Variants in CRYBG1 observed in about 807,000 individuals in gnomAD.
The protein encoded by CRYBG1 is crystallin beta-gamma domain containing 1.
In CRYBG1, 139 loss-of-function variants were observed where a neutral mutation model predicts 189.2. The observed-to-expected ratio is 0.73, with a 90% CI of 0.64 to 0.85. The LOEUF is 0.85. CRYBG1 is among the 40% of genes least tolerant of loss of function. CRYBG1 has a pLI of 0.00. For missense variants in CRYBG1, 2,611 were observed against 2,675.8 expected, an observed-to-expected ratio of 0.98 and a Z score of 0.53; for synonymous variants, 1,023 against 1,017.1, an observed-to-expected ratio of 1.01 and a Z score of -0.11.
intron 1 of CRYBG1, among the ~76,000 whole-genome samples, chr6:106,421,555 G>A (rs1310590534): frequency 6.6e-6 from 1 of 152,226 alleles, no homozygotes; most frequent in East Asian, 1.9e-4. Flanking sequence ...AGAGAGTAGG[G>A]TCTCTTCATG....
At chr6:106,499,245 C>T (rs1460309225) in intron 2 of CRYBG1, among the ~76,000 whole-genome samples, 154 of 149,874 alleles carry the variant, frequency 1.0e-3, no homozygotes, top group African/African-American at 3.6e-3. Context: ...TTCCGCCTCC[C>T]GGGTTCAAGC....
intron 1 of CRYBG1, among the ~76,000 whole-genome samples, chr6:106,378,910 G>A (rs534978364): frequency 3.5e-4 from 54 of 152,220 alleles, no homozygotes; most frequent in Admixed American, 3.9e-4. Context: ...AGCACTTTGG[G>A]AGGCCAAGGT....
At position 106,511,613 on chromosome 6, in the gene CRYBG1, G is replaced by A; in HGVS notation, c.496G>A (p.Glu166Lys). The A allele has an allele frequency of 6.5e-7, 1 of 1,535,846 alleles. No individual in the cohort carries two copies. Among genetic ancestry groups the A allele is most frequent in the Non-Finnish European group, 8.7e-7 (1 of 1,146,692 alleles). ...TCCTAAGCTCCCAGAGAGAGAGAGTGAGAGGAGCAGATCTCAGAGCAGCCA... is the reference window on the plus strand; with the variant it reads ...TCCTAAGCTCCCAGAGAGAGAGAGTAAGAGGAGCAGATCTCAGAGCAGCCA... ...ASPKLPERES[E>K]RSRSQSSQLK... The change falls in exon 3 of 22, where the codon GAG becomes AAG. Residue 166 changes from glutamate (E) to lysine (K), a missense_variant. Glu to Lys is a moderately conservative substitution (Grantham distance 56, BLOSUM62 1). Around this residue, in one of 3 missense-constraint regions of CRYBG1, gnomAD observed 985 missense variants for 924.4 expected, o/e 1.07. Transcript: ENST00000633556.
At chr6:106,536,560 A>G (rs998658337) in intron 8 of CRYBG1, among the ~76,000 whole-genome samples, 3 of 152,240 alleles carry the variant, frequency 2.0e-5, no homozygotes, top group Non-Finnish European at 4.4e-5. Flanking sequence ...TTTGTTTAAG[A>G]GCAAGTGAAC....
intron 16 of CRYBG1, 53 bp from the exon 17 acceptor site, chr6:106,555,715 A>G (rs2114590562): frequency 1.3e-6 from 2 of 1,591,192 alleles, no homozygotes; most frequent in Non-Finnish European, 1.7e-6. Flanking sequence ...CTTCTTGAAT[A>G]GGAGTGCTCA....
At chr6:106,406,050 C>T (rs1770814086) in intron 1 of CRYBG1, among the ~76,000 whole-genome samples, 1 of 152,072 alleles carries the variant, frequency 6.6e-6, no homozygotes, top group South Asian at 2.1e-4. Context: ...CAGAAGTAGG[C>T]TTCAGAAGGC....
intron 1 of CRYBG1, among the ~76,000 whole-genome samples, chr6:106,432,840 C>CTTT (rs5878888): frequency 0.19 from 24,698 of 128,552 alleles, 2,756 homozygotes; most frequent in Non-Finnish European, 0.23. Flanking sequence ...TCTTTTCTTT[C>CTTT]TTTTTTTTTT....
chr6:106,376,643 G>A (rs1255862194), intron 1 of CRYBG1, among the ~76,000 whole-genome samples: 1 of 152,146 alleles, frequency 6.6e-6, no homozygotes, highest in African/African-American at 2.4e-5. Context: ...TATGCTTAGG[G>A]GGTAGTAGAG....
At chr6:106,493,762 T>A (rs1350249653) in intron 2 of CRYBG1, among the ~76,000 whole-genome samples, 1 of 152,042 alleles carries the variant, frequency 6.6e-6, no homozygotes, top group Non-Finnish European at 1.5e-5. Context: ...TGAGAACACA[T>A]GGACACGTGG....
intron 1 of CRYBG1, among the ~76,000 whole-genome samples, chr6:106,448,250 C>T (rs1261683698): frequency 3.3e-5 from 5 of 152,244 alleles, no homozygotes; most frequent in Non-Finnish European, 4.4e-5. Context: ...ATCTGGGTCA[C>T]GAGGAAAGGG....
At chr6:106,394,181 A>C (rs189082363) in intron 1 of CRYBG1, among the ~76,000 whole-genome samples, 29 of 152,160 alleles carry the variant, frequency 1.9e-4, no homozygotes, top group African/African-American at 6.7e-4. Context: ...ATTTCTTTGG[A>C]GTTTCTGAAT....
Position 106,519,121 on chromosome 6 carries a change from T to C in CRYBG1, c.1923-10T>C. ...GTCAATAACTTTATCTTCCTGCTTT[T>C]TCCTCACAGCCCTGCCAAGCCCAAA... On this transcript the variant is annotated splice_polypyrimidine_tract_variant and intron_variant, in intron 3 of 21. Coordinates refer to ENST00000633556, the MANE Select transcript of CRYBG1 (RefSeq NM_001371242.2). The C allele has an allele frequency of 1.3e-6, 2 of 1,591,146 alleles. No individual in the cohort carries two copies. Among genetic ancestry groups the C allele is most frequent in the Non-Finnish European group, 1.7e-6 (2 of 1,170,498 alleles).
chr6:106,412,716 A>C (rs1770952000), intron 1 of CRYBG1, among the ~76,000 whole-genome samples: 1 of 152,230 alleles, frequency 6.6e-6, no homozygotes, highest in South Asian at 2.1e-4. Flanking sequence ...GAAACATTAA[A>C]ACAAAGAAAA....
chr6:106,543,019 T>C (rs783391), intron 10 of CRYBG1, among the ~76,000 whole-genome samples: 7,813 of 150,552 alleles, frequency 0.052, 680 homozygotes, highest in African/African-American at 0.18. Flanking sequence ...TTTAATTAAA[T>C]TTAATTTTAT....
chr6:106,510,733 A>T (rs1290934163), intron 2 of CRYBG1, among the ~76,000 whole-genome samples: 1 of 152,200 alleles, frequency 6.6e-6, no homozygotes, highest in Non-Finnish European at 1.5e-5. Context: ...CCGTGTTCAC[A>T]TGGTAGGAAC....
chr6:106,360,816 C>A lies in CRYBG1; in HGVS notation c.-93C>A, dbSNP rs1343061162. On this transcript the variant is annotated 5_prime_UTR_variant, in exon 1 of 22. Transcript: ENST00000633556. ...GGGTCCCACGGCGCGCTGAGAAAGG[C>A]GGGCGAGCTGGCGCTCAGGTGTGTT... 2 of 1,372,656 alleles carry A rather than the reference C, an allele frequency of 1.5e-6. No homozygotes were observed. The highest frequency in any genetic ancestry group is 5.6e-5 in the East Asian group (2 of 35,784). 85.0% of individuals were successfully genotyped at this position (1,372,656 alleles called of 1,614,324 possible).
At chr6:106,398,652 C>T (rs1466794227) in intron 1 of CRYBG1, among the ~76,000 whole-genome samples, 1 of 152,122 alleles carries the variant, frequency 6.6e-6, no homozygotes, top group Non-Finnish European at 1.5e-5. Flanking sequence ...AACTCTTATT[C>T]ATTCATTTCC....
chr6:106,372,872 G>A (rs77465272), intron 1 of CRYBG1, among the ~76,000 whole-genome samples: 1 of 152,238 alleles, frequency 6.6e-6, no homozygotes, highest in Admixed American at 6.5e-5. Context: ...TAACTGAGAA[G>A]ACAGAACCTG....
intron 1 of CRYBG1, among the ~76,000 whole-genome samples, chr6:106,444,569 C>G (rs551370501): frequency 6.6e-6 from 1 of 152,110 alleles, no homozygotes; most frequent in Non-Finnish European, 1.5e-5. Context: ...CTTGTGGAAC[C>G]TAGCCTGGTT....
Sources: allele counts gnomAD v4.1 joint callset (sites outside exome capture counted in the v4.1 genomes callset), GRCh38; gene constraint gnomAD v4.1.1; regional missense constraint gnomAD v4.1.1; transcripts MANE v1.5; gene names NCBI Gene and HGNC (gene_info 2026-07-23, HGNC 2026-07-21).